Variants in ACBD6 observed in about 807,000 individuals in gnomAD.
ACBD6 encodes acyl-CoA-binding domain-containing protein 6.
ACBD6 carries 28 observed loss-of-function variants against 37.2 expected under a neutral mutation model. The observed-to-expected ratio is 0.75, with a 90% CI of 0.56 to 1.03. The LOEUF (loss-of-function observed/expected upper bound fraction) is 1.03. Among genes scored for constraint, ACBD6 ranks in the 50% least tolerant of loss-of-function variants. The pLI, the probability that ACBD6 is intolerant of heterozygous loss-of-function variation, is 0.00. For synonymous variants in ACBD6, 113 were observed against 126.8 expected (o/e 0.89, Z 0.73); for missense variants, 340 against 337.4 (o/e 1.01, Z -0.06).
rs184302531 is a variant in ACBD6 at position 180,433,313 on chromosome 1, A to G, written c.385-3051T>C. Among the ~76,000 whole-genome samples, 4 of 152,350 alleles carry G rather than the reference A, an allele frequency of 2.6e-5. No individual in the cohort carries two copies. The East Asian group carries it at 7.7e-4, about 29-fold the overall frequency. On this transcript the variant is annotated intron_variant, in intron 3 of 7. Transcript: ENST00000367595. ...CCCACATGATCATCTCAATTGATAC[A>G]GAAAAAGCATCTGACAAAATTCAAC...
intron 6 of ACBD6, among the ~76,000 whole-genome samples, chr1:180,319,023 G>C (rs1650948867): frequency 6.6e-6 from 1 of 152,084 alleles, no homozygotes; most frequent in African/African-American, 2.4e-5. Context: ...TTTGTGGTGG[G>C]AGAATTTTGA....
chr1:180,412,948 T>C (rs574344937), intron 5 of ACBD6, among the ~76,000 whole-genome samples: 6 of 152,312 alleles, frequency 3.9e-5, no homozygotes, highest in Admixed American at 2.0e-4. Context: ...ATTTAAATTA[T>C]TGATTTACCA....
In ACBD6 at chr1:180,430,281, A is replaced by C; in HGVS notation, c.385-19T>G. The C allele has an allele frequency of 6.3e-7, 1 of 1,584,260 alleles. No individual in the cohort carries two copies. Among genetic ancestry groups the C allele is most frequent in the Non-Finnish European group, 8.7e-7 (1 of 1,154,338 alleles). ...CTGGTATCTGTGGGAAGGAGAAAAA[A>C]AAGTGAAAAAAAGACAAATGGGTTA... is the stretch of plus-strand genomic sequence containing the variant. On this transcript the variant is annotated intron_variant, in intron 3 of 7. Transcript: ENST00000367595.
At chr1:180,300,131 C>G (rs1452052532) in intron 7 of ACBD6, among the ~76,000 whole-genome samples, 1 of 152,134 alleles carries the variant, frequency 6.6e-6, no homozygotes, top group African/African-American at 2.4e-5. Context: ...GGACAGCTGT[C>G]AAGCCCAACC....
chr1:180,444,632 T>C (rs1346453855), intron 3 of ACBD6, among the ~76,000 whole-genome samples: 1 of 152,240 alleles, frequency 6.6e-6, no homozygotes, highest in Non-Finnish European at 1.5e-5. Context: ...TCCACTCCAG[T>C]GAAATTTCTT....
intron 3 of ACBD6, among the ~76,000 whole-genome samples, chr1:180,470,718 A>C (rs1158263479): frequency 1.3e-5 from 2 of 152,356 alleles, no homozygotes; most frequent in South Asian, 2.1e-4. Context: ...AGAAAAGACA[A>C]CACCACAGTT....
chr1:180,432,197 TTC>T (rs1409218610), intron 3 of ACBD6, among the ~76,000 whole-genome samples: 1 of 110,848 alleles, frequency 9.0e-6, no homozygotes, highest in Non-Finnish European at 2.0e-5. Context: ...TAGAGCAAGA[TTC>T]TGTCTCAAAA....
At chr1:180,403,596 G>A (rs1647480549) in intron 5 of ACBD6, among the ~76,000 whole-genome samples, 1 of 151,842 alleles carries the variant, frequency 6.6e-6, no homozygotes, top group Non-Finnish European at 1.5e-5. Flanking sequence ...TAGATTCTTG[G>A]GGAAAAAAAA....
chr1:180,480,985 C>T (rs1049523350), intron 3 of ACBD6, among the ~76,000 whole-genome samples: 4 of 151,282 alleles, frequency 2.6e-5, no homozygotes, highest in East Asian at 3.9e-4. Flanking sequence ...GAGCGGAGAT[C>T]GCACCACTGT....
intron 6 of ACBD6, among the ~76,000 whole-genome samples, chr1:180,348,612 G>A (rs1652282500): frequency 6.6e-6 from 1 of 152,184 alleles, no homozygotes. Context: ...CACAGACCAA[G>A]GATTGGTAGG....
intron 3 of ACBD6, among the ~76,000 whole-genome samples, chr1:180,432,141 AAGCTG>A (rs1281211501): frequency 1.3e-5 from 2 of 152,000 alleles, no homozygotes; most frequent in Non-Finnish European, 2.9e-5. Flanking sequence ...TGGGATGCAG[AAGCTG>A]CAGTGAGCCA....
chr1:180,344,276 T>C lies in ACBD6; in HGVS notation c.664-29554A>G, dbSNP rs543579847. Among the ~76,000 whole-genome samples the C allele has an allele frequency of 2.6e-5, 4 of 152,230 alleles. No homozygotes were observed. The East Asian group carries it at 7.7e-4, about 29-fold the overall frequency. ...AAGCTATGACACAGGTGGCAACTTGTAGACATTTTAGACCACAGAGAATAG... is the reference window on the plus strand; with the variant it reads ...AAGCTATGACACAGGTGGCAACTTGCAGACATTTTAGACCACAGAGAATAG... On this transcript the variant is annotated intron_variant, in intron 6 of 7. Transcript: ENST00000367595.
intron 6 of ACBD6, among the ~76,000 whole-genome samples, chr1:180,335,185 GAAC>G (rs960112856): frequency 9.0e-4 from 137 of 152,216 alleles, no homozygotes; most frequent in African/African-American, 3.2e-3. Context: ...TCCTCGAGAA[GAAC>G]AACCCCAAGA....
chr1:180,335,925 A>G (rs570451888), intron 6 of ACBD6, among the ~76,000 whole-genome samples: 1 of 144,274 alleles, frequency 6.9e-6, no homozygotes, highest in Non-Finnish European at 1.6e-5. Flanking sequence ...AGGCCATTAC[A>G]TAATGGTAAA....
chr1:180,358,730 T>A (rs1652729171), intron 6 of ACBD6, among the ~76,000 whole-genome samples: 1 of 152,182 alleles, frequency 6.6e-6, no homozygotes, highest in African/African-American at 2.4e-5. Context: ...CATACAGAAA[T>A]AATTAAAATA....
intron 3 of ACBD6, among the ~76,000 whole-genome samples, chr1:180,457,093 C>T (rs1355829437): frequency 1.3e-5 from 2 of 152,070 alleles, no homozygotes; most frequent in African/African-American, 4.8e-5. Context: ...AACACATACC[C>T]TTGGCTTCCT....
chr1:180,500,694 CAAAAA>C (rs370791531), intron 1 of ACBD6, among the ~76,000 whole-genome samples: 1 of 94,942 alleles, frequency 1.1e-5, no homozygotes. Context: ...AACTCCATCT[CAAAAA>C]AAAAAAAAAA....
intron 6 of ACBD6, among the ~76,000 whole-genome samples, chr1:180,331,692 G>C (rs991366715): frequency 5.9e-5 from 9 of 152,170 alleles, no homozygotes; most frequent in African/African-American, 2.2e-4. Flanking sequence ...CAGCATATCT[G>C]GACAAAGAGA....
Position 180,324,428 on chromosome 1 carries a change from C to T in ACBD6, c.664-9706G>A, listed in dbSNP as rs141549769. 5.5e-3 allele frequency among the ~76,000 whole-genome samples: 830 copies of T among 151,372 alleles called. 7 individuals are homozygous for T. Among genetic ancestry groups the T allele is most frequent in the African/African-American group, 0.019 (786 of 41,352 alleles). On this transcript the variant is annotated intron_variant, in intron 6 of 7. Coordinates refer to ENST00000367595, the MANE Select transcript of ACBD6 (RefSeq NM_032360.4). Reference sequence around the variant, plus strand: ...TGAGGCTTGCAAGTATCTTATAACCCATTATTATTAAGCTGATGACAACTT... The same window carrying T: ...TGAGGCTTGCAAGTATCTTATAACCTATTATTATTAAGCTGATGACAACTT...
Sources: allele counts gnomAD v4.1 joint callset (sites outside exome capture counted in the v4.1 genomes callset), GRCh38; gene constraint gnomAD v4.1.1; transcripts MANE v1.5; gene names NCBI Gene and HGNC (gene_info 2026-07-23, HGNC 2026-07-21).